FAS: variants seen among roughly 807,000 people sequenced by gnomAD.
The protein encoded by FAS is Fas cell surface death receptor.
Under a neutral mutation model 33.2 loss-of-function variants are expected in FAS, and 5 were observed. The observed-to-expected ratio is 0.15, with a 90% confidence interval of 0.08 to 0.32. The LOEUF is 0.32. Ranked by LOEUF, FAS falls within the 10% of genes least tolerant of loss-of-function variation. The pLI, the probability that FAS is intolerant of heterozygous loss-of-function variation, is 1.00. For missense variants in FAS, 339 were observed against 386.0 expected (o/e 0.88, Z 1.02); for synonymous variants, 131 against 130.7 (o/e 1.00, Z -0.01).
Position 88,990,917 on chromosome 10 carries a change from T to TCCTGC in FAS, c.30+14_30+18dup. The stretch of plus-strand genomic sequence containing the variant: ...ACCCTCCTACCTCTGGTGAGCCCTC[T>TCCTGC]CCTGCCCGGGTGGAGGCTTACCCCG... On this transcript the variant is annotated intron_variant, in intron 1 of 8. Transcript: ENST00000652046. This position sits in a 1 kb window ranked among gnomAD's most constrained non-coding sequence, Gnocchi z 4.9. The TCCTGC allele has an allele frequency of 3.7e-6, 6 of 1,614,172 alleles. No homozygotes were observed. Among genetic ancestry groups the TCCTGC allele is most frequent in the Non-Finnish European group, 5.1e-6 (6 of 1,180,012 alleles).
chr10:88,983,624 AAAAAAAAAAAAAAAAC>A (rs1366819176), upstream of FAS, among the ~76,000 whole-genome samples: 2 of 147,206 alleles, frequency 1.4e-5, no homozygotes, highest in African/African-American at 5.0e-5. Flanking sequence ...AAAAAAAAAA[AAAAAAAAAAAAAAAAC>A]ACACACACAC....
intron 4 of FAS, among the ~76,000 whole-genome samples, chr10:89,010,187 A>C (rs1421761193): frequency 6.6e-6 from 1 of 152,204 alleles, no homozygotes; most frequent in Non-Finnish European, 1.5e-5. Context: ...TACTTTTGAC[A>C]GTTTATTTTA....
intron 3 of FAS, 34 bp from the exon 4 acceptor site, chr10:89,008,855 G>C: frequency 6.3e-7 from 1 of 1,589,758 alleles, no homozygotes; most frequent in Non-Finnish European, 8.6e-7. Flanking sequence ...ATAATTAGCC[G>C]CTATAACTAA....
chr10:89,011,791 C>A (rs557342646), intron 6 of FAS, among the ~76,000 whole-genome samples: 8 of 152,328 alleles, frequency 5.3e-5, no homozygotes, highest in African/African-American at 1.7e-4. Flanking sequence ...AATTAGATGA[C>A]TAATTAAGAT....
intron 3 of FAS, among the ~76,000 whole-genome samples, chr10:89,008,464 G>A (rs1353247657): frequency 2.0e-5 from 3 of 152,178 alleles, no homozygotes; most frequent in Non-Finnish European, 4.4e-5. Context: ...TACTAAAAAT[G>A]TTTCATGTTT....
chr10:88,988,299 G>A (rs1308943321), upstream of FAS, among the ~76,000 whole-genome samples: 1 of 152,128 alleles, frequency 6.6e-6, no homozygotes, highest in Non-Finnish European at 1.5e-5. Flanking sequence ...CTATAGCTGG[G>A]AGTTATTAAA....
Position 89,003,093 on chromosome 10 carries a change from C to G in FAS, c.95C>G (p.Ser32Cys). ...AATGCCCAAGTGACTGACATCAACT[C>G]CAAGGGATTGGAATTGAGGAAGACT... ...SVNAQVTDIN[S>C]KGLELRKTVT... The change falls in exon 2 of 9, where the codon TCC (serine) becomes TGC (cysteine). Residue 32 changes from serine (S) to cysteine (C), a missense_variant. Transcript: ENST00000652046. 1.2e-6 allele frequency: 2 copies of G among 1,614,120 alleles called. No homozygotes were observed. Among genetic ancestry groups the G allele is most frequent in the Non-Finnish European group, 1.7e-6 (2 of 1,180,006 alleles).
upstream of FAS, chr10:88,990,431 C>T: frequency 2.1e-6 from 1 of 485,126 alleles, no homozygotes; most frequent in Non-Finnish European, 4.0e-6. This position sits in a 1 kb window ranked among gnomAD's most constrained non-coding sequence, Gnocchi z 4.9. Flanking sequence ...AGGTCCTCAC[C>T]TGAAGTGAGC....
chr10:88,969,234 G>A (rs758323684), intron 1 of FAS, among the ~76,000 whole-genome samples: 16 of 152,096 alleles, frequency 1.1e-4, no homozygotes, highest in East Asian at 3.8e-4. Context: ...ATAGATTTCC[G>A]TAATGTCCAA....
chr10:89,004,141 C>T (rs1156750605), intron 2 of FAS, among the ~76,000 whole-genome samples: 1 of 152,134 alleles, frequency 6.6e-6, no homozygotes, highest in Non-Finnish European at 1.5e-5. Context: ...AATCAATTTG[C>T]TCTATGAATT....
chr10:88,975,460 C>T (rs921875840), intron 2 of FAS, among the ~76,000 whole-genome samples: 1 of 152,110 alleles, frequency 6.6e-6, no homozygotes, highest in African/African-American at 2.4e-5. Flanking sequence ...TAACAATTTT[C>T]CTGTCATTCC....
chr10:88,993,330 C>T (rs1847380933), intron 1 of FAS, among the ~76,000 whole-genome samples: 1 of 150,898 alleles, frequency 6.6e-6, no homozygotes. Context: ...TGTGCATGAC[C>T]CTGTTATTGG....
rs187751276 is a variant in FAS at position 88,976,832 on chromosome 10, T to C, written n.260+3485T>C. On this transcript the variant is annotated intron_variant and non_coding_transcript_variant, in intron 2 of 3. Coordinates refer to the FAS transcript ENST00000688239. The stretch of plus-strand genomic sequence containing the variant: ...GCTGGGTAGAGTTGAAGTTTGAAAA[T>C]TGAATAAAATAATTCTTTCATTAAA... Among the ~76,000 whole-genome samples the C allele has an allele frequency of 1.5e-3, 234 of 152,314 alleles. 1 individual carries two copies. The highest frequency in any genetic ancestry group is 5.3e-3 in the African/African-American group (219 of 41,578).
intron 2 of FAS, among the ~76,000 whole-genome samples, chr10:89,003,764 C>G (rs1348013019): frequency 1.3e-5 from 2 of 152,104 alleles, no homozygotes; most frequent in African/African-American, 2.4e-5. Context: ...ACAAATCCTT[C>G]AAACACTGGT....
chr10:88,990,801 T>C lies in FAS; in HGVS notation c.-76T>C. On this transcript the variant is annotated 5_prime_UTR_variant, in exon 1 of 9. Coordinates refer to ENST00000652046, the MANE Select transcript of FAS (RefSeq NM_000043.6). This position sits in a 1 kb window ranked among gnomAD's most constrained non-coding sequence, Gnocchi z 4.9. ...CTGGCTGCCCAGGCGGAGCTGCCTC[T>C]TCTCCCGCGGGTTGGTGGACCCGCT... 1 of 1,603,342 alleles carries C rather than the reference T, an allele frequency of 6.2e-7. No homozygotes were observed. The highest frequency in any genetic ancestry group is 8.5e-7 in the Non-Finnish European group (1 of 1,170,522).
chr10:88,990,005 T>A (rs79790374), upstream of FAS, among the ~76,000 whole-genome samples: 1 of 152,328 alleles, frequency 6.6e-6, no homozygotes, highest in South Asian at 2.1e-4. The surrounding 1 kb of genome is among the most constrained non-coding windows in gnomAD (Gnocchi z 4.9). Flanking sequence ...GATTTTTTTT[T>A]AAAGAAAATT....
At chr10:88,968,808 T>C (rs1205840894) in intron 1 of FAS, among the ~76,000 whole-genome samples, 3 of 152,202 alleles carry the variant, frequency 2.0e-5, no homozygotes, top group Non-Finnish European at 4.4e-5. Context: ...AATGTGTGCA[T>C]GTTAAAGAGA....
At chr10:88,989,174 TTAAG>T (rs1382163331), upstream of FAS, among the ~76,000 whole-genome samples, 1 of 152,164 alleles carries the variant, frequency 6.6e-6, no homozygotes, top group African/African-American at 2.4e-5. Context: ...ATGATAAGTA[TTAAG>T]TAAGGAAGAT....
chr10:88,979,643 A>C (rs1846660885), intron 2 of FAS, among the ~76,000 whole-genome samples: 1 of 152,012 alleles, frequency 6.6e-6, no homozygotes, highest in Admixed American at 6.6e-5. Context: ...ACATAACCTG[A>C]GAGATGGGGC....
Sources: gnomAD v4.1 joint callset for allele counts (sites outside exome capture counted in the v4.1 genomes callset) on GRCh38, gnomAD v4.1.1 for gene constraint, Gnocchi (gnomAD v3.1) non-coding constraint, MANE v1.5 for transcripts, NCBI Gene and HGNC (gene_info 2026-07-23, HGNC 2026-07-21) for gene names.